Variants in N4BP1 observed in about 807,000 individuals in gnomAD.
The protein encoded by N4BP1 is NEDD4-binding protein 1.
N4BP1 carries 21 observed loss-of-function variants against 70.9 expected under a neutral mutation model. The ratio of observed to expected loss-of-function variants is 0.30; its 90% CI spans 0.21 to 0.43. N4BP1 has a LOEUF of 0.43. Ranked by LOEUF, N4BP1 falls within the 20% of genes least tolerant of loss-of-function variation. The probability of loss-of-function intolerance (pLI) is 1.00; values close to 1 mark genes in which losing one functional copy is unlikely to be tolerated. For synonymous variants in N4BP1, 387 were observed against 394.6 expected (o/e 0.98, Z 0.23); for missense variants, 936 against 1,069.4 (o/e 0.88, Z 1.74).
intron 1 of N4BP1, among the ~76,000 whole-genome samples, chr16:48,575,166 G>A (rs1042298402): frequency 6.6e-6 from 1 of 152,176 alleles, no homozygotes; most frequent in Non-Finnish European, 1.5e-5. Flanking sequence ...TTCGAGTTCA[G>A]AAGTGAACAA....
intron 1 of N4BP1, among the ~76,000 whole-genome samples, chr16:48,582,704 G>A (rs185137876): frequency 1.2e-4 from 18 of 152,104 alleles, no homozygotes; most frequent in Admixed American, 6.5e-4. Flanking sequence ...GAAAAAAAAC[G>A]TTGTATATAT....
intron 1 of N4BP1, among the ~76,000 whole-genome samples, chr16:48,597,544 A>G (rs559703275): frequency 7.2e-5 from 11 of 152,220 alleles, no homozygotes; most frequent in Non-Finnish European, 1.0e-4. Context: ...TTCAGATGTC[A>G]AATTCCAGCA....
intron 1 of N4BP1, among the ~76,000 whole-genome samples, chr16:48,595,278 A>G (rs1458852007): frequency 1.8e-4 from 27 of 151,994 alleles, no homozygotes; most frequent in Non-Finnish European, 2.9e-5. Flanking sequence ...CCTGGCCAAC[A>G]TGGCAAAAAC....
At chr16:48,564,296 C>T (rs1018290678) in intron 1 of N4BP1, among the ~76,000 whole-genome samples, 4 of 152,128 alleles carry the variant, frequency 2.6e-5, no homozygotes, top group South Asian at 2.1e-4. Flanking sequence ...CCAATGTTAT[C>T]GTCTAAGTTT....
In N4BP1 at chr16:48,543,255, C is replaced by T. The variant is rs750957574; in HGVS notation, c.2340G>A (p.Met780Ile). 6.6e-7 allele frequency: 1 copy of T among 1,515,000 alleles called. No individual in the cohort carries two copies. The highest frequency in any genetic ancestry group is 1.3e-5 in the South Asian group (1 of 74,956). The allele number at this position is 1,515,000 out of a possible 1,614,324, so 93.8% of individuals were successfully genotyped here. ...FLQKEVCLRD[M>I]QPLLSALPNV... ...TTGGCAGGGCACTGAGTAGGGGCTG[C>T]ATATCTCTGTGAATGGAAGTGAGTC... Residue 780 changes from methionine (M) to isoleucine (I), a missense_variant, in exon 7 of 7, where the codon ATG (methionine) becomes ATA (isoleucine). Transcript: ENST00000262384.
intron 1 of N4BP1, among the ~76,000 whole-genome samples, chr16:48,604,648 A>C (rs1157744992): frequency 2.6e-5 from 4 of 151,154 alleles, no homozygotes; most frequent in Non-Finnish European, 5.9e-5. Context: ...AAAACGAAAC[A>C]AAGCTCAGGT....
At position 48,560,981 on chromosome 16, in the gene N4BP1, A is replaced by C; in HGVS notation, c.1662T>G (p.Ser554=). 1 of 1,614,058 alleles carries C rather than the reference A, an allele frequency of 6.2e-7. No individual in the cohort carries two copies. The highest frequency in any genetic ancestry group is 1.1e-5 in the South Asian group (1 of 91,090). ...KRLGCCSSPH[S]KPNCSTLSPP... is the part of the protein sequence containing the mutation. Reference sequence around the variant, plus strand: ...GAGAAAGGGTTGAGCAATTTGGCTTAGAATGAGGAGAACTACAACATCCTA... The same window carrying C: ...GAGAAAGGGTTGAGCAATTTGGCTTCGAATGAGGAGAACTACAACATCCTA... Residue 554 remains serine, a synonymous_variant, in exon 2 of 7, where the codon TCT becomes TCG. Coordinates refer to ENST00000262384, the MANE Select transcript of N4BP1 (RefSeq NM_153029.4).
chr16:48,584,858 ATTATT>A (rs893544843), intron 1 of N4BP1, among the ~76,000 whole-genome samples: 12 of 152,242 alleles, frequency 7.9e-5, no homozygotes, highest in African/African-American at 2.9e-4. Flanking sequence ...GCAAATCAGT[ATTATT>A]TTATTATTTT....
chr16:48,550,054 G>C (rs571026712), intron 4 of N4BP1, among the ~76,000 whole-genome samples: 1 of 152,292 alleles, frequency 6.6e-6, no homozygotes, highest in South Asian at 2.1e-4. Context: ...CATTGGTTAA[G>C]TTTAGAACCT....
chr16:48,583,196 G>C (rs943273107), intron 1 of N4BP1, among the ~76,000 whole-genome samples: 1 of 152,032 alleles, frequency 6.6e-6, no homozygotes, highest in Non-Finnish European at 1.5e-5. Context: ...CCAAAATATG[G>C]TAAATATAAA....
intron 1 of N4BP1, among the ~76,000 whole-genome samples, chr16:48,607,034 G>C (rs1964593098): frequency 1.3e-5 from 2 of 152,134 alleles, no homozygotes; most frequent in Non-Finnish European, 2.9e-5. Context: ...AAAAAGCCCT[G>C]ATTGTGGCAT....
At chr16:48,592,923 G>C (rs1393779430) in intron 1 of N4BP1, among the ~76,000 whole-genome samples, 1 of 152,072 alleles carries the variant, frequency 6.6e-6, no homozygotes, top group Non-Finnish European at 1.5e-5. Flanking sequence ...GTAAATTCTT[G>C]TCCTAAAGTA....
intron 1 of N4BP1, among the ~76,000 whole-genome samples, chr16:48,572,266 C>T (rs1035254087): frequency 2.6e-4 from 39 of 151,956 alleles, no homozygotes; most frequent in South Asian, 6.2e-4. Flanking sequence ...TTTCTTGGAA[C>T]GAAAGGACAG....
At chr16:48,574,222 T>C (rs1447577289) in intron 1 of N4BP1, among the ~76,000 whole-genome samples, 1 of 152,238 alleles carries the variant, frequency 6.6e-6, no homozygotes, top group Non-Finnish European at 1.5e-5. Flanking sequence ...ATATATTATT[T>C]TGGTACACTT....
intron 6 of N4BP1, 27 bp from the exon 7 acceptor site, chr16:48,543,288 G>A (rs985179097): frequency 3.4e-6 from 5 of 1,472,002 alleles, no homozygotes; most frequent in Middle Eastern, 1.8e-4. Context: ...GTCCTGGTGA[G>A]TTGGGTTATA....
intron 2 of N4BP1, chr16:48,559,798 G>C (rs1305439083): frequency 6.6e-6 from 1 of 152,190 alleles, no homozygotes; most frequent in East Asian, 1.9e-4. Flanking sequence ...AACCTCTCCT[G>C]GTTCAGGGTG....
At chr16:48,592,099 C>T (rs887167903) in intron 1 of N4BP1, among the ~76,000 whole-genome samples, 3 of 152,128 alleles carry the variant, frequency 2.0e-5, no homozygotes, top group Non-Finnish European at 4.4e-5. Context: ...CCACACTCTA[C>T]TGAGAGATGA....
intron 1 of N4BP1, among the ~76,000 whole-genome samples, chr16:48,565,732 T>C (rs990233928): frequency 2.6e-5 from 4 of 152,218 alleles, no homozygotes; most frequent in Non-Finnish European, 5.9e-5. Context: ...TTTTGTAGAA[T>C]TCTCCAGTGA....
chr16:48,553,102 G>C (rs1389885589), intron 3 of N4BP1, among the ~76,000 whole-genome samples: 1 of 152,138 alleles, frequency 6.6e-6, no homozygotes, highest in African/African-American at 2.4e-5. Context: ...TCTTTCGTGT[G>C]TGGCCTGCAA....
Sources: allele counts gnomAD v4.1 joint callset (sites outside exome capture counted in the v4.1 genomes callset), GRCh38; gene constraint gnomAD v4.1.1; transcripts MANE v1.5; gene names NCBI Gene and HGNC (gene_info 2026-07-23, HGNC 2026-07-21).